The following ACOX3 variants were observed in gnomAD, a reference collection of about 807,000 sequenced individuals.
The protein encoded by ACOX3 is peroxisomal acyl-coenzyme A oxidase 3.
A neutral mutation model predicts 81.5 loss-of-function variants in ACOX3; 73 were observed. The observed-to-expected ratio is 0.90, with a 90% CI of 0.74 to 1.09. ACOX3 has a LOEUF of 1.09. Ranked by LOEUF, ACOX3 falls within the 50% of genes least tolerant of loss-of-function variation. The pLI, the probability that ACOX3 is intolerant of heterozygous loss-of-function variation, is 0.00. For missense variants in ACOX3, 947 were observed against 928.0 expected, an observed-to-expected ratio of 1.02 and a Z score of -0.27; for synonymous variants, 387 against 375.1, an observed-to-expected ratio of 1.03 and a Z score of -0.37.
chr4:8,394,932 C>A lies in ACOX3; in HGVS notation c.1057-190G>T, dbSNP rs1340434105. 2 of 693,982 alleles carry A rather than the reference C, an allele frequency of 2.9e-6. No individual in the cohort carries two copies. Among genetic ancestry groups the A allele is most frequent in the African/African-American group, 1.8e-5 (1 of 55,240 alleles). 43.0% of individuals were successfully genotyped at this position (693,982 alleles called of 1,614,324 possible). On this transcript the variant is annotated intron_variant, in intron 9 of 17. Coordinates refer to ENST00000356406, the MANE Select transcript of ACOX3 (RefSeq NM_003501.3). This position sits in a 1 kb window ranked among gnomAD's most constrained non-coding sequence, Gnocchi z 5.9. Reference sequence around the variant, plus strand: ...TGACACGCTCTCAACTCAGCCAGTTCGGCTTTCACCCATAGCCCTTGACAG... The same window carrying A: ...TGACACGCTCTCAACTCAGCCAGTTAGGCTTTCACCCATAGCCCTTGACAG...
intron 1 of ACOX3, among the ~76,000 whole-genome samples, chr4:8,429,100 C>T (rs1723790075): frequency 6.6e-6 from 1 of 152,178 alleles, no homozygotes; most frequent in Admixed American, 6.5e-5. Flanking sequence ...CAATTACCTG[C>T]ACCCAAAGCC....
rs1278720091 is a variant in ACOX3, at chr4:8,399,489, A to G, written c.873+67T>C. ...CCTTTCCAGGTGCAGGGAGGAGCAC[A>G]GAGCCAGGCCCTGCAGAGGAAGGCA... On this transcript the variant is annotated intron_variant, in intron 8 of 17. Transcript: ENST00000356406. The surrounding 1 kb of genome is among the most constrained non-coding windows in gnomAD (Gnocchi z 4.9). 1 of 1,373,848 alleles carries G rather than the reference A, an allele frequency of 7.3e-7. No homozygotes were observed. The highest frequency in any genetic ancestry group is 1.0e-6 in the Non-Finnish European group (1 of 969,152). The allele number at this position is 1,373,848 out of a possible 1,614,324, so 85.1% of individuals were successfully genotyped here. A position where few individuals can be genotyped will look rare whatever the true frequency, so the allele number is the denominator to read the frequency against.
downstream of ACOX3, among the ~76,000 whole-genome samples, chr4:8,362,833 T>A (rs764709862): frequency 5.9e-5 from 9 of 152,248 alleles, no homozygotes; most frequent in Non-Finnish European, 2.9e-5. Context: ...TATCTGAGAT[T>A]CCTTCTATGG....
chr4:8,361,651 G>T (rs1363315784), downstream of ACOX3, among the ~76,000 whole-genome samples: 1 of 151,970 alleles, frequency 6.6e-6, no homozygotes, highest in Non-Finnish European at 1.5e-5. Context: ...ACCTGCCTAT[G>T]ACCTGCTCTT....
intron 1 of ACOX3, among the ~76,000 whole-genome samples, chr4:8,433,759 G>A (rs951162443): frequency 1.3e-5 from 2 of 152,182 alleles, no homozygotes; most frequent in African/African-American, 4.8e-5. Context: ...CCCAATGGAG[G>A]GATTAATGTA....
intron 1 of ACOX3, among the ~76,000 whole-genome samples, chr4:8,428,754 C>G (rs565545237): frequency 6.0e-4 from 91 of 152,368 alleles, no homozygotes; most frequent in African/African-American, 2.1e-3. Context: ...TGGATCAGGA[C>G]CCCCAGTCTG....
At chr4:8,393,633 A>ATG (rs750806735) in intron 10 of ACOX3, among the ~76,000 whole-genome samples, 2,632 of 71,170 alleles carry the variant, frequency 0.037, 39 homozygotes, top group Non-Finnish European at 0.066. Flanking sequence ...ACACACACAC[A>ATG]CACGCACACA....
intron 1 of ACOX3, among the ~76,000 whole-genome samples, chr4:8,422,068 G>GCAACGAGCGAA (rs1308850788): frequency 9.2e-5 from 14 of 152,186 alleles, no homozygotes; most frequent in African/African-American, 3.1e-4. Flanking sequence ...GCAAATGGGG[G>GCAACGAGCGAA]CAACGAGCGA....
chr4:8,403,157 T>C (rs1053476876), intron 7 of ACOX3, among the ~76,000 whole-genome samples: 15 of 152,250 alleles, frequency 9.9e-5, no homozygotes, highest in African/African-American at 3.6e-4. Context: ...TAGGCAGTCA[T>C]CCCACATACT....
chr4:8,420,669 C>T (rs2109003537), intron 1 of ACOX3, among the ~76,000 whole-genome samples: 1 of 152,312 alleles, frequency 6.6e-6, no homozygotes, highest in East Asian at 1.9e-4. Flanking sequence ...GCTCTGTTTT[C>T]ACTCTATTAA....
At chr4:8,383,124 G>A (rs527778103) in intron 13 of ACOX3, among the ~76,000 whole-genome samples, 2 of 152,316 alleles carry the variant, frequency 1.3e-5, no homozygotes, top group African/African-American at 4.8e-5. Flanking sequence ...AGAGCAGGCC[G>A]TTTCCCAGGC....
rs1022216281 is a variant in ACOX3, at chr4:8,415,996, T to C, written c.148A>G (p.Thr50Ala). Residue 50 changes from threonine (T) to alanine (A), a missense_variant, in exon 3 of 18, where the codon ACC (threonine) becomes GCC (alanine). Thr to Ala is a moderately conservative substitution (Grantham distance 58). Transcript: ENST00000356406. ...TCATTCTCAAGAGCTGAGAAGATGG[T>C]TTTCTGGAAATGCAGGAGATGGGTA... is the stretch of plus-strand genomic sequence containing the variant. ...EGEGMLRFKK[T>A]IFSALENDPL... 1.2e-6 allele frequency: 2 copies of C among 1,613,690 alleles called. No homozygotes were observed. Among genetic ancestry groups the C allele is most frequent in the Admixed American group, 3.3e-5 (2 of 60,014 alleles).
At chr4:8,439,071 A>G (rs941108351) in intron 1 of ACOX3, 1 of 152,242 alleles carries the variant, frequency 6.6e-6, no homozygotes, top group Non-Finnish European at 1.5e-5. Flanking sequence ...CTTAAGACTA[A>G]TAGTTTTCCT....
At position 8,381,146 on chromosome 4, in the gene ACOX3, C is replaced by T. The variant is rs891457133; in HGVS notation, c.1653+346G>A. Among the ~76,000 whole-genome samples, 14 of 152,182 alleles carry T rather than the reference C, an allele frequency of 9.2e-5. No individual in the cohort carries two copies. The highest frequency in any genetic ancestry group is 3.1e-4 in the African/African-American group (13 of 41,430). On this transcript the variant is annotated intron_variant, in intron 14 of 17. Coordinates refer to ENST00000356406, the MANE Select transcript of ACOX3 (RefSeq NM_003501.3). The surrounding 1 kb of genome is among the most constrained non-coding windows in gnomAD (Gnocchi z 4.3). ...AAGCAGGGCGCTGGCATCACTCCCACGAGTCAGGAGGGAGTGCTCTGAGTG... is the reference window on the plus strand; with the variant it reads ...AAGCAGGGCGCTGGCATCACTCCCATGAGTCAGGAGGGAGTGCTCTGAGTG...
rs193270275 is a variant in ACOX3, at chr4:8,384,207, G to C, written c.1538-2600C>G. Among the ~76,000 whole-genome samples, 22 of 152,336 alleles carry C rather than the reference G, an allele frequency of 1.4e-4. No individual in the cohort carries two copies. The East Asian group carries it at 4.1e-3, about 28-fold the overall frequency. On this transcript the variant is annotated intron_variant, in intron 13 of 17. Coordinates refer to ENST00000356406, the MANE Select transcript of ACOX3 (RefSeq NM_003501.3). This position sits in a 1 kb window ranked among gnomAD's most constrained non-coding sequence, Gnocchi z 5.3. ...AGTGAGAGGGACGCTTGAGAAATGA[G>C]TTATGTTTGCACTGTGTTTTTTCCT...
At chr4:8,361,425 CAAAAAAAAAAAAAAAA>C (rs56251372), downstream of ACOX3, among the ~76,000 whole-genome samples, 174 of 39,032 alleles carry the variant, frequency 4.5e-3, no homozygotes, top group African/African-American at 0.02. Flanking sequence ...GACTCTATCT[CAAAAAAAAAAAAAAAA>C]AAAAAAAAAA....
rs1288037976 is a variant in ACOX3 at position 8,394,822 on chromosome 4, T to C, written c.1057-80A>G. Reference sequence around the variant, plus strand: ...CCATCCCAGGGACCATGAAAGCCAGTGCAGGGAGAGGCCGTCAGGGCCACA... The same window carrying C: ...CCATCCCAGGGACCATGAAAGCCAGCGCAGGGAGAGGCCGTCAGGGCCACA... On this transcript the variant is annotated intron_variant, in intron 9 of 17. Coordinates refer to ENST00000356406, the MANE Select transcript of ACOX3 (RefSeq NM_003501.3). This position sits in a 1 kb window ranked among gnomAD's most constrained non-coding sequence, Gnocchi z 5.9. The C allele has an allele frequency of 1.3e-5, 20 of 1,536,082 alleles. No individual in the cohort carries two copies. In the Admixed American group the frequency reaches 2.9e-4, roughly 22 times the overall value.
rs199997712 is a variant in ACOX3 at position 8,414,322 on chromosome 4, G to A, written c.513C>T (p.Arg171=). The A allele has an allele frequency of 1.1e-4, 183 of 1,614,162 alleles. 2 individuals are homozygous for A. In the South Asian group the frequency reaches 1.7e-3, roughly 15 times the overall value. ...TGGCAGGATCGTAGTGGGCAGTTGT[G>A]CGAATGGCCTTGGTATTACTGCCGT... ...LSHGSNTKAI[R]TTAHYDPATE... Residue 171 remains arginine, a synonymous_variant, in exon 5 of 18, where the codon CGC becomes CGT. Coordinates refer to ENST00000356406, the MANE Select transcript of ACOX3 (RefSeq NM_003501.3). This position sits in a 1 kb window ranked among gnomAD's most constrained non-coding sequence, Gnocchi z 6.1.
intron 17 of ACOX3, 142 bp from the exon 18 acceptor site, chr4:8,367,222 G>A (rs827002): frequency 0.17 from 188,912 of 1,108,706 alleles, 17,459 homozygotes; most frequent in East Asian, 0.2. Context: ...GCTCACGCCC[G>A]TAATCCCAGC....
Sources: gnomAD v4.1 joint callset for allele counts (sites outside exome capture counted in the v4.1 genomes callset) on GRCh38, gnomAD v4.1.1 for gene constraint, Gnocchi (gnomAD v3.1) non-coding constraint, MANE v1.5 for transcripts, NCBI Gene and HGNC (gene_info 2026-07-23, HGNC 2026-07-21) for gene names.